Variants in RGS6 observed in about 807,000 individuals in gnomAD.
RGS6 encodes regulator of G-protein signaling 6.
In RGS6, 30 loss-of-function variants were observed where a neutral mutation model predicts 78.5. The observed-to-expected ratio is 0.38, with a 90% CI of 0.29 to 0.52. RGS6 has a LOEUF of 0.52. Among genes scored for constraint, RGS6 ranks in the 20% least tolerant of loss-of-function variants. The pLI, the probability that RGS6 is intolerant of heterozygous loss-of-function variation, is 0.85. For synonymous variants in RGS6, 206 were observed against 206.0 expected (o/e 1.00, Z 0.00); for missense variants, 495 against 609.7 (o/e 0.81, Z 1.98).
intron 1 of RGS6, among the ~76,000 whole-genome samples, chr14:71,957,969 T>C (rs1181381465): frequency 2.0e-5 from 3 of 152,024 alleles, no homozygotes; most frequent in Non-Finnish European, 4.4e-5. Context: ...GGTCTTGCTA[T>C]GTTGCCCAGG....
chr14:72,398,424 T>G (rs2091834420), intron 3 of RGS6, among the ~76,000 whole-genome samples: 1 of 152,218 alleles, frequency 6.6e-6, no homozygotes, highest in Admixed American at 6.5e-5. Context: ...TTATTACATC[T>G]ATTTGATTCT....
chr14:72,310,330 G>A (rs1461499957), intron 2 of RGS6, among the ~76,000 whole-genome samples: 1 of 152,232 alleles, frequency 6.6e-6, no homozygotes, highest in Non-Finnish European at 1.5e-5. Context: ...CTTCTAGGAA[G>A]CAAAAGGTTA....
chr14:72,609,928 G>T, the RGS6 span, among the ~76,000 whole-genome samples: 1 of 152,192 alleles, frequency 6.6e-6, no homozygotes, highest in South Asian at 2.1e-4. Context: ...GAGGCAATGC[G>T]GCGTTGGGTC....
chr14:71,991,253 T>C (rs1421456598), intron 2 of RGS6, among the ~76,000 whole-genome samples: 1 of 152,206 alleles, frequency 6.6e-6, no homozygotes, highest in Non-Finnish European at 1.5e-5. Flanking sequence ...TGCACAGTTA[T>C]TTATCTCAGA....
At chr14:71,916,077 C>A in the RGS6 span, among the ~76,000 whole-genome samples, 9,206 of 152,318 alleles carry the variant, frequency 0.06, 377 homozygotes, top group Non-Finnish European at 0.09. Flanking sequence ...TGTATTTTCT[C>A]ATGGCAGTCC....
chr14:72,317,696 T>G (rs957198858), intron 2 of RGS6, among the ~76,000 whole-genome samples: 1 of 152,180 alleles, frequency 6.6e-6, no homozygotes, highest in East Asian at 1.9e-4. Context: ...TAAGCTTTGA[T>G]GTAGTAAAAA....
intron 2 of RGS6, among the ~76,000 whole-genome samples, chr14:72,164,046 TGGTTAGTCACCTAAGAA>T (rs2153666835): frequency 6.6e-6 from 1 of 152,218 alleles, no homozygotes; most frequent in South Asian, 2.1e-4. Flanking sequence ...GACTTTTTGG[TGGTTAGTCACCTAAGAA>T]GGTTTTGTGG....
intron 6 of RGS6, among the ~76,000 whole-genome samples, chr14:72,460,009 C>T (rs530919274): frequency 6.6e-6 from 1 of 152,290 alleles, no homozygotes; most frequent in Admixed American, 6.5e-5. Flanking sequence ...TTTAATTGTT[C>T]TTTCCAGGGA....
intron 3 of RGS6, among the ~76,000 whole-genome samples, chr14:72,401,013 A>T (rs2092331753): frequency 6.6e-6 from 1 of 152,126 alleles, no homozygotes; most frequent in Admixed American, 6.5e-5. Flanking sequence ...GGTTATGTCC[A>T]TTTCCTTGGT....
At chr14:72,064,723 A>C (rs922995917) in intron 2 of RGS6, among the ~76,000 whole-genome samples, 27 of 152,262 alleles carry the variant, frequency 1.8e-4, no homozygotes, top group African/African-American at 6.0e-4. Flanking sequence ...CTTAGTAGGT[A>C]CAACAAAAGA....
intron 2 of RGS6, among the ~76,000 whole-genome samples, chr14:72,023,559 T>G (rs2089196167): frequency 6.6e-6 from 1 of 152,228 alleles, no homozygotes; most frequent in Admixed American, 6.5e-5. Flanking sequence ...AACGTTTCTC[T>G]TAATCCACTG....
chr14:72,556,088 T>C (rs913341475), intron 17 of RGS6, among the ~76,000 whole-genome samples: 10 of 150,692 alleles, frequency 6.6e-5, no homozygotes, highest in Non-Finnish European at 3.0e-5. Context: ...TCTTCTTTTG[T>C]AGATTCAAAA....
chr14:72,053,132 T>TTCCTTCCTTCCTTC lies in RGS6; in HGVS notation c.84+88257_84+88258insTCCTTCCTTCCTTC, dbSNP rs1404647087. Among the ~76,000 whole-genome samples the TTCCTTCCTTCCTTC allele has an allele frequency of 2.7e-3, 238 of 88,366 alleles. 8 individuals are homozygous for TTCCTTCCTTCCTTC. Among genetic ancestry groups the TTCCTTCCTTCCTTC allele is most frequent in the Non-Finnish European group, 4.5e-3 (200 of 44,564 alleles). The allele number at this position is 88,366 out of a possible 152,430, so 58.0% of individuals were successfully genotyped here. On this transcript the variant is annotated intron_variant, in intron 2 of 17. Coordinates refer to ENST00000553525, the MANE Select transcript of RGS6 (RefSeq NM_001204424.2). ...TCCTTCCTTCCTTCCTTCCTTCCTT[T>TTCCTTCCTTCCTTC]CTTTTTTTGATGGAGTCTCGCTCTG...
At chr14:71,931,448 A>G (rs2087856376), upstream of RGS6, among the ~76,000 whole-genome samples, 1 of 152,256 alleles carries the variant, frequency 6.6e-6, no homozygotes, top group African/African-American at 2.4e-5. Context: ...TAATCAATGT[A>G]GAATGGCGGG....
chr14:72,335,869 T>C (rs573468867), intron 2 of RGS6, among the ~76,000 whole-genome samples: 2 of 152,338 alleles, frequency 1.3e-5, no homozygotes, highest in African/African-American at 4.8e-5. Flanking sequence ...TGCCAGCCTC[T>C]ACCCTGCTGC....
chr14:72,599,403 T>TCG, the RGS6 span, among the ~76,000 whole-genome samples: 1 of 96,630 alleles, frequency 1.0e-5, no homozygotes. Context: ...CTTTTTTTTT[T>TCG]TTTTTTTTTT....
At chr14:71,883,244 T>C in the RGS6 span, among the ~76,000 whole-genome samples, 1 of 152,236 alleles carries the variant, frequency 6.6e-6, no homozygotes, top group Non-Finnish European at 1.5e-5. Flanking sequence ...CCTTTTTGAA[T>C]GGCTGATTCA....
intron 2 of RGS6, among the ~76,000 whole-genome samples, chr14:72,012,632 T>C (rs8003097): frequency 0.91 from 137,878 of 152,262 alleles, 62,650 homozygotes; most frequent in East Asian, 0.98. Context: ...CCTGACAAGA[T>C]TCCTAAAAGT....
At chr14:72,221,892 C>T (rs2046953512) in intron 2 of RGS6, among the ~76,000 whole-genome samples, 1 of 152,138 alleles carries the variant, frequency 6.6e-6, no homozygotes, top group South Asian at 2.1e-4. Flanking sequence ...CACTTGTTTG[C>T]AGCTCCATGG....
Sources: allele counts gnomAD v4.1 joint callset (sites outside exome capture counted in the v4.1 genomes callset), GRCh38; gene constraint gnomAD v4.1.1; transcripts MANE v1.5; gene names NCBI Gene and HGNC (gene_info 2026-07-23, HGNC 2026-07-21).